NOL4: variants seen among roughly 807,000 people sequenced by gnomAD.
The protein encoded by NOL4 is nucleolar protein 4.
NOL4 carries 17 observed loss-of-function variants against 75.9 expected under a neutral mutation model. That is an observed-to-expected ratio of 0.22 (90% CI 0.15 to 0.34). The LOEUF (loss-of-function observed/expected upper bound fraction) is 0.34. NOL4 is among the 10% of genes least tolerant of loss of function. The pLI, the probability that NOL4 is intolerant of heterozygous loss-of-function variation, is 1.00. For synonymous variants in NOL4, 292 were observed against 289.9 expected, an observed-to-expected ratio of 1.01 and a Z score of -0.07; for missense variants, 614 against 793.5, an observed-to-expected ratio of 0.77 and a Z score of 2.72.
chr18:34,137,033 G>A (rs1223621469), intron 1 of NOL4, among the ~76,000 whole-genome samples: 2 of 151,964 alleles, frequency 1.3e-5, no homozygotes, highest in Non-Finnish European at 2.9e-5. Context: ...ATCTTCAAAA[G>A]ACATGTCAAA....
chr18:34,023,381 G>C lies in NOL4; in HGVS notation c.773-3780C>G, dbSNP rs75623139. 3.1e-3 allele frequency: 1,428 copies of C among 454,362 alleles called. 16 individuals are homozygous for C. Among genetic ancestry groups the C allele is most frequent in the African/African-American group, 0.025 (1,272 of 50,134 alleles). 28.1% of individuals were successfully genotyped at this position (454,362 alleles called of 1,614,324 possible). Reference sequence around the variant, plus strand: ...TAAGAATTTAAAATCGCGGATCTCAGACTCCTGTAACCAATTCATATCAGG... The same window carrying C: ...TAAGAATTTAAAATCGCGGATCTCACACTCCTGTAACCAATTCATATCAGG... On this transcript the variant is annotated intron_variant, in intron 5 of 10. Transcript: ENST00000261592.
At chr18:33,947,311 A>G (rs2068905014) in intron 8 of NOL4, among the ~76,000 whole-genome samples, 1 of 151,772 alleles carries the variant, frequency 6.6e-6, no homozygotes, top group African/African-American at 2.4e-5. Flanking sequence ...ATGTCACCAC[A>G]GTATGGTCTT....
At chr18:33,930,748 T>A (rs777690492) in intron 9 of NOL4, among the ~76,000 whole-genome samples, 3 of 152,198 alleles carry the variant, frequency 2.0e-5, no homozygotes, top group Non-Finnish European at 4.4e-5. Flanking sequence ...TTTTGTGGTA[T>A]CTGTGTTGTG....
intron 9 of NOL4, among the ~76,000 whole-genome samples, chr18:33,908,754 G>A (rs554739758): frequency 1.2e-3 from 183 of 152,176 alleles, no homozygotes; most frequent in African/African-American, 4.2e-3. Context: ...AGAGGAACAC[G>A]CATAGATAAC....
intron 10 of NOL4, among the ~76,000 whole-genome samples, chr18:33,878,490 G>C (rs969228013): frequency 2.6e-5 from 4 of 152,010 alleles, no homozygotes; most frequent in Non-Finnish European, 5.9e-5. Flanking sequence ...ATTCTCTACA[G>C]TCAATGCCTT....
chr18:34,010,757 G>A (rs997663298), intron 6 of NOL4, among the ~76,000 whole-genome samples: 2 of 151,774 alleles, frequency 1.3e-5, no homozygotes, highest in African/African-American at 2.4e-5. Flanking sequence ...TTAACCGGGT[G>A]AGATCACATC....
At chr18:33,905,100 T>C (rs1015276762) in intron 9 of NOL4, among the ~76,000 whole-genome samples, 13 of 152,202 alleles carry the variant, frequency 8.5e-5, no homozygotes, top group African/African-American at 2.9e-4. Flanking sequence ...CATTATATGA[T>C]AGGTCATTGC....
chr18:33,957,190 G>A (rs1414059898), intron 8 of NOL4, 136 bp downstream of exon 8: 8 of 610,912 alleles, frequency 1.3e-5, no homozygotes, highest in South Asian at 9.0e-5. Flanking sequence ...AAAAACAAAC[G>A]AGCAAACAAA....
chr18:34,059,116 GATATACATATATATATATATAT>G (rs938456817), intron 5 of NOL4, among the ~76,000 whole-genome samples: 3 of 80,936 alleles, frequency 3.7e-5, no homozygotes, highest in Admixed American at 1.7e-4. Flanking sequence ...GAGATAGATA[GATATACATATATATATATATAT>G]ATATATATAT....
chr18:33,880,111 A>G (rs945726990), intron 10 of NOL4, among the ~76,000 whole-genome samples: 2 of 152,070 alleles, frequency 1.3e-5, no homozygotes, highest in African/African-American at 4.8e-5. Flanking sequence ...TAAATATTTA[A>G]AGAACATTTG....
At chr18:34,194,937 T>A (rs776570066) in intron 1 of NOL4, among the ~76,000 whole-genome samples, 1 of 150,980 alleles carries the variant, frequency 6.6e-6, no homozygotes, top group Non-Finnish European at 1.5e-5. Context: ...GGCAGGAGAA[T>A]CTCTGGAACC....
intron 2 of NOL4, among the ~76,000 whole-genome samples, chr18:34,119,714 T>C (rs558611173): frequency 8.7e-4 from 133 of 152,150 alleles, no homozygotes; most frequent in African/African-American, 3.1e-3. Context: ...CTCCACTTCC[T>C]GGGTTCACGC....
intron 10 of NOL4, among the ~76,000 whole-genome samples, chr18:33,881,898 C>T: frequency 6.6e-6 from 1 of 151,874 alleles, no homozygotes; most frequent in Admixed American, 6.6e-5. Context: ...AGAAATAAAG[C>T]CGCATATCTA....
chr18:34,029,036 A>G (rs1276861900), intron 5 of NOL4, among the ~76,000 whole-genome samples: 8 of 151,952 alleles, frequency 5.3e-5, no homozygotes, highest in Non-Finnish European at 1.5e-5. Context: ...CTTGAGCCAA[A>G]TTCATCAGAG....
intron 6 of NOL4, among the ~76,000 whole-genome samples, chr18:33,993,471 T>C (rs911930946): frequency 6.6e-6 from 1 of 151,694 alleles, no homozygotes; most frequent in Non-Finnish European, 1.5e-5. Flanking sequence ...CAAATAACAA[T>C]AACAAACCCT....
chr18:34,032,664 C>T (rs915014393), intron 5 of NOL4, among the ~76,000 whole-genome samples: 1 of 152,114 alleles, frequency 6.6e-6, no homozygotes, highest in African/African-American at 2.4e-5. Context: ...TTCACCCATG[C>T]CATTCTAGCT....
chr18:33,953,585 C>T (rs762352712), intron 8 of NOL4, among the ~76,000 whole-genome samples: 11 of 152,134 alleles, frequency 7.2e-5, no homozygotes, highest in Non-Finnish European at 1.2e-4. Flanking sequence ...AAATCTCATT[C>T]TACATTTTTG....
intron 9 of NOL4, among the ~76,000 whole-genome samples, chr18:33,917,848 C>T (rs1232686853): frequency 6.6e-6 from 1 of 152,042 alleles, no homozygotes; most frequent in African/African-American, 2.4e-5. Context: ...AAATATACAC[C>T]TTTTGGGGAT....
intron 1 of NOL4, among the ~76,000 whole-genome samples, chr18:34,170,178 A>AC (rs2032877781): frequency 7.1e-6 from 1 of 141,230 alleles, no homozygotes; most frequent in Admixed American, 7.1e-5. Flanking sequence ...TTTAAGAACT[A>AC]TTTTTTTTTT....
Sources: gnomAD v4.1 joint callset for allele counts (sites outside exome capture counted in the v4.1 genomes callset) on GRCh38, gnomAD v4.1.1 for gene constraint, MANE v1.5 for transcripts, NCBI Gene and HGNC (gene_info 2026-07-23, HGNC 2026-07-21) for gene names.